NEGR1: variants seen among roughly 807,000 people sequenced by gnomAD.
NEGR1 encodes neuronal growth regulator 1, also known as IgLON family member 4.
In NEGR1, 10 loss-of-function variants were observed where a neutral mutation model predicts 40.9. That is an observed-to-expected ratio of 0.24 (90% CI 0.15 to 0.42). The LOEUF (loss-of-function observed/expected upper bound fraction) is 0.42, where lower values mean the gene tolerates loss of function less well. Ranked by LOEUF, NEGR1 falls within the 10% of genes least tolerant of loss-of-function variation. The pLI is 1.00. For synonymous variants in NEGR1, 185 were observed against 166.8 expected (o/e 1.11, Z -0.84); for missense variants, 352 against 438.9 (o/e 0.80, Z 1.77).
At chr1:72,065,113 T>A (rs938445803) in intron 1 of NEGR1, among the ~76,000 whole-genome samples, 2 of 152,084 alleles carry the variant, frequency 1.3e-5, no homozygotes, top group Non-Finnish European at 2.9e-5. Context: ...TACACATACA[T>A]AGTAAAAGTA....
intron 1 of NEGR1, among the ~76,000 whole-genome samples, chr1:72,103,161 T>A (rs1488390486): frequency 5.9e-5 from 9 of 152,088 alleles, no homozygotes; most frequent in Admixed American, 5.3e-4. Flanking sequence ...GAAATAAAGT[T>A]GTTTAATTAA....
At chr1:72,229,459 T>C (rs888687560) in intron 1 of NEGR1, among the ~76,000 whole-genome samples, 2 of 148,994 alleles carry the variant, frequency 1.3e-5, no homozygotes, top group East Asian at 1.9e-4. Context: ...ATAATAAAAT[T>C]CAAAATTTTC....
chr1:72,161,174 T>C (rs868116144), intron 1 of NEGR1, among the ~76,000 whole-genome samples: 1 of 152,024 alleles, frequency 6.6e-6, no homozygotes, highest in South Asian at 2.1e-4. Context: ...AAGAAACTGG[T>C]TTTAAAGAGC....
chr1:71,457,617 A>G (rs1646682865), intron 6 of NEGR1, among the ~76,000 whole-genome samples: 1 of 152,238 alleles, frequency 6.6e-6, no homozygotes, highest in Admixed American at 6.5e-5. Flanking sequence ...TTATATGTAA[A>G]TACTTGGACC....
chr1:71,737,559 C>A (rs1033144604), intron 3 of NEGR1, among the ~76,000 whole-genome samples: 3 of 152,034 alleles, frequency 2.0e-5, no homozygotes, highest in African/African-American at 7.2e-5. Flanking sequence ...ATATACATGC[C>A]AAACAAAATA....
intron 6 of NEGR1, among the ~76,000 whole-genome samples, chr1:71,507,050 GGGAAAA>G (rs1557549485): frequency 6.6e-6 from 1 of 152,140 alleles, no homozygotes. Flanking sequence ...TAAATAGGAG[GGGAAAA>G]GAATTCATAC....
chr1:71,537,858 C>G (rs1341168392), intron 6 of NEGR1, among the ~76,000 whole-genome samples: 3 of 151,586 alleles, frequency 2.0e-5, no homozygotes, highest in African/African-American at 4.8e-5. Flanking sequence ...ATATTCTTCA[C>G]GAGGTGCCAA....
chr1:72,242,304 TA>T (rs923767480), intron 1 of NEGR1, among the ~76,000 whole-genome samples: 9 of 151,698 alleles, frequency 5.9e-5, no homozygotes, highest in East Asian at 5.8e-4. Context: ...AATTAAGCTA[TA>T]AAAAATTTAT....
intron 3 of NEGR1, among the ~76,000 whole-genome samples, chr1:71,773,258 A>C (rs1210596784): frequency 1.3e-5 from 2 of 152,208 alleles, no homozygotes; most frequent in Non-Finnish European, 1.5e-5. Context: ...GGGCATTGCT[A>C]AAAACCCTAA....
rs76537217 is a variant in NEGR1, at chr1:71,809,485, G to A, written c.410-33188C>T. Reference sequence around the variant, plus strand: ...TCTTAGGCTTTGTATTAGGTATTGGGGTAATAAAAGTAAACCAAGTATGCC... The same window carrying A: ...TCTTAGGCTTTGTATTAGGTATTGGAGTAATAAAAGTAAACCAAGTATGCC... On this transcript the variant is annotated intron_variant, in intron 2 of 6. Transcript: ENST00000357731. Among the ~76,000 whole-genome samples the A allele has an allele frequency of 1.0e-3, 157 of 152,026 alleles. 1 individual carries two copies. Among genetic ancestry groups the A allele is most frequent in the East Asian group, 7.2e-3 (37 of 5,170 alleles).
chr1:71,651,752 A>G (rs1651725223), intron 4 of NEGR1, among the ~76,000 whole-genome samples: 1 of 152,158 alleles, frequency 6.6e-6, no homozygotes, highest in African/African-American at 2.4e-5. Context: ...AATAATAACA[A>G]CAACAGCAGC....
At chr1:72,088,145 T>C (rs1350460320) in intron 1 of NEGR1, among the ~76,000 whole-genome samples, 2 of 152,140 alleles carry the variant, frequency 1.3e-5, no homozygotes, top group Non-Finnish European at 2.9e-5. Flanking sequence ...ATTAAATTAA[T>C]TTGGAGCTAC....
intron 1 of NEGR1, among the ~76,000 whole-genome samples, chr1:72,029,721 A>G (rs1646841177): frequency 1.3e-5 from 2 of 152,346 alleles, no homozygotes; most frequent in South Asian, 4.1e-4. Context: ...TTTGAATGTC[A>G]TAGAGTAATT....
chr1:72,256,208 C>T (rs1228398224), intron 1 of NEGR1, among the ~76,000 whole-genome samples: 1 of 152,188 alleles, frequency 6.6e-6, no homozygotes, highest in Non-Finnish European at 1.5e-5. Context: ...AATAGATTTT[C>T]ACCTTTTCAA....
At chr1:72,149,486 A>C (rs969446323) in intron 1 of NEGR1, among the ~76,000 whole-genome samples, 15 of 152,186 alleles carry the variant, frequency 9.9e-5, no homozygotes, top group African/African-American at 3.6e-4. Flanking sequence ...TTATACACTA[A>C]ATTTAAAATA....
chr1:71,759,287 C>CTTTTTTTTTTTTTTTTTTTTTTTTT, intron 3 of NEGR1, among the ~76,000 whole-genome samples: 1 of 85,220 alleles, frequency 1.2e-5, no homozygotes, highest in Non-Finnish European at 2.1e-5. Flanking sequence ...AAGATTATAA[C>CTTTTTTTTTTTTTTTTTTTTTTTTT]TTTTTTTTTT....
intron 6 of NEGR1, among the ~76,000 whole-genome samples, chr1:71,556,409 C>A (rs1021840769): frequency 9.2e-5 from 14 of 151,486 alleles, no homozygotes; most frequent in Admixed American, 1.3e-4. Context: ...GAAAGAATTT[C>A]TTGAAGGTCT....
At chr1:71,862,479 C>T (rs1488472851) in intron 2 of NEGR1, among the ~76,000 whole-genome samples, 1 of 152,080 alleles carries the variant, frequency 6.6e-6, no homozygotes, top group African/African-American at 2.4e-5. Context: ...ATTACAAAAA[C>T]ATCACAATTG....
intron 2 of NEGR1, among the ~76,000 whole-genome samples, chr1:71,885,635 T>C (rs1466872941): frequency 6.6e-6 from 1 of 152,188 alleles, no homozygotes; most frequent in Non-Finnish European, 1.5e-5. Context: ...TGGAAAATGG[T>C]TGACAAGTCA....
Sources: allele counts gnomAD v4.1 joint callset (sites outside exome capture counted in the v4.1 genomes callset), GRCh38; gene constraint gnomAD v4.1.1; transcripts MANE v1.5; gene names NCBI Gene and HGNC (gene_info 2026-07-23, HGNC 2026-07-21).